XPR1: variants seen among roughly 807,000 people sequenced by gnomAD.
The protein encoded by XPR1 is xenotropic and polytropic retrovirus receptor 1, also known as solute carrier family 53 member 1.
In XPR1, 28 loss-of-function variants were observed where a neutral mutation model predicts 87.5. The observed-to-expected ratio is 0.32, with a 90% confidence interval of 0.24 to 0.44. The LOEUF is 0.44. XPR1 is among the 20% of genes least tolerant of loss of function. The probability of loss-of-function intolerance (pLI) is 1.00; values close to 1 mark genes in which losing one functional copy is unlikely to be tolerated. For synonymous variants in XPR1, 300 were observed against 306.1 expected (o/e 0.98, Z 0.21); for missense variants, 559 against 862.3 (o/e 0.65, Z 4.41).
intron 2 of XPR1, among the ~76,000 whole-genome samples, chr1:180,686,753 T>C (rs1421515286): frequency 6.6e-6 from 1 of 152,196 alleles, no homozygotes; most frequent in Non-Finnish European, 1.5e-5. Context: ...GACAAGCTAT[T>C]AGAGACTTGT....
rs192453167 is a variant in XPR1, at chr1:180,645,402, A to G, written c.69+13132A>G. Among the ~76,000 whole-genome samples, 39 of 152,362 alleles carry G rather than the reference A, an allele frequency of 2.6e-4. No individual in the cohort carries two copies. The South Asian group carries it at 7.5e-3, about 29-fold the overall frequency. On this transcript the variant is annotated intron_variant, in intron 1 of 14. Coordinates refer to ENST00000367590, the MANE Select transcript of XPR1 (RefSeq NM_004736.4). ...ATCTCAGTGTTCACTTGTCGCTCCC[A>G]TAATTCCAGTTTGGCTTTGAATGCA...
chr1:180,703,226 G>T (rs1657417465), intron 2 of XPR1, among the ~76,000 whole-genome samples: 1 of 151,666 alleles, frequency 6.6e-6, no homozygotes, highest in Non-Finnish European at 1.5e-5. Context: ...TGGATGGCAT[G>T]TGTGGATGCC....
chr1:180,760,050 A>G (rs1647945622), intron 2 of XPR1, among the ~76,000 whole-genome samples: 1 of 152,224 alleles, frequency 6.6e-6, no homozygotes, highest in Non-Finnish European at 1.5e-5. Context: ...AAGGCCTTTG[A>G]CAAAATTCAG....
intron 6 of XPR1, 138 bp downstream of exon 6, chr1:180,806,695 A>C (rs1037194852): frequency 3.3e-6 from 2 of 605,842 alleles, no homozygotes; most frequent in Middle Eastern, 3.2e-4. Context: ...TTAGTTTTTT[A>C]AACATTATAT....
chr1:180,777,554 A>G (rs116112940), intron 2 of XPR1, among the ~76,000 whole-genome samples: 3,446 of 152,310 alleles, frequency 0.023, 67 homozygotes, highest in Middle Eastern at 0.092. Flanking sequence ...TACTTGTTGA[A>G]TGAATGACTC....
chr1:180,639,388 A>G (rs540940753), intron 1 of XPR1, among the ~76,000 whole-genome samples: 2 of 152,178 alleles, frequency 1.3e-5, no homozygotes, highest in Non-Finnish European at 1.5e-5. Flanking sequence ...CATAATCTCT[A>G]TAACAAGAGG....
intron 11 of XPR1, among the ~76,000 whole-genome samples, chr1:180,843,565 T>G (rs1651584191): frequency 6.6e-6 from 1 of 152,192 alleles, no homozygotes; most frequent in African/African-American, 2.4e-5. Flanking sequence ...CTTGAGTGGT[T>G]TTTATCTACT....
intron 7 of XPR1, among the ~76,000 whole-genome samples, chr1:180,819,738 C>T (rs1193876641): frequency 6.6e-6 from 1 of 152,130 alleles, no homozygotes; most frequent in Non-Finnish European, 1.5e-5. Context: ...TATGCCTAGG[C>T]CGGGCGCGGT....
chr1:180,853,791 G>GTTTTTTTTT (rs374408714), intron 11 of XPR1, among the ~76,000 whole-genome samples: 23 of 109,374 alleles, frequency 2.1e-4, no homozygotes, highest in Admixed American at 4.0e-4. Context: ...CATTCATGTG[G>GTTTTTTTTT]TTTTTTTTTT....
intron 2 of XPR1, among the ~76,000 whole-genome samples, chr1:180,744,706 A>G (rs1659031254): frequency 7.7e-6 from 1 of 130,546 alleles, no homozygotes; most frequent in Admixed American, 9.3e-5. Context: ...GCTGGAGTGC[A>G]ATGGCACGAT....
intron 2 of XPR1, among the ~76,000 whole-genome samples, chr1:180,784,421 T>C (rs1336922039): frequency 1.8e-4 from 28 of 152,100 alleles, no homozygotes; most frequent in Admixed American, 1.8e-3. Context: ...AATATCTTTT[T>C]AATATTGACT....
At position 180,884,152 on chromosome 1, in the gene XPR1, C is replaced by A; in HGVS notation, c.*86C>A. 2 of 1,235,872 alleles carry A rather than the reference C, an allele frequency of 1.6e-6. No individual in the cohort carries two copies. The highest frequency in any genetic ancestry group is 4.1e-5 in the Admixed American group (2 of 48,984). The allele number at this position is 1,235,872 out of a possible 1,614,324, so 76.6% of individuals were successfully genotyped here. A position where few individuals can be genotyped will look rare whatever the true frequency, so the allele number is the denominator to read the frequency against. On this transcript the variant is annotated 3_prime_UTR_variant, in exon 15 of 15. Coordinates refer to ENST00000367590, the MANE Select transcript of XPR1 (RefSeq NM_004736.4). Reference sequence around the variant, plus strand: ...AACGCAACCTCTAGTACCTTTCCAGCCGAAAACAGGAGAAAACACATAACA... The same window carrying A: ...AACGCAACCTCTAGTACCTTTCCAGACGAAAACAGGAGAAAACACATAACA...
At chr1:180,835,408 T>G (rs1008409814) in intron 10 of XPR1, among the ~76,000 whole-genome samples, 35 of 152,176 alleles carry the variant, frequency 2.3e-4, no homozygotes, top group African/African-American at 8.2e-4. Flanking sequence ...TACTAATTAT[T>G]TAGAAATAGA....
intron 2 of XPR1, among the ~76,000 whole-genome samples, chr1:180,685,118 G>T (rs894148710): frequency 6.6e-6 from 1 of 151,982 alleles, no homozygotes; most frequent in African/African-American, 2.4e-5. Flanking sequence ...TATTGGCTGT[G>T]GGTTTGTCAT....
At chr1:180,771,989 C>G (rs1648534464) in intron 2 of XPR1, among the ~76,000 whole-genome samples, 2 of 152,176 alleles carry the variant, frequency 1.3e-5, no homozygotes, top group South Asian at 4.1e-4. Flanking sequence ...GCAAGGGTTA[C>G]TACTGTGGTA....
At chr1:180,775,099 G>A (rs1429959828) in intron 2 of XPR1, among the ~76,000 whole-genome samples, 1 of 152,154 alleles carries the variant, frequency 6.6e-6, no homozygotes, top group Non-Finnish European at 1.5e-5. Context: ...TATGGCATGG[G>A]TGATTAAGCT....
chr1:180,882,835 CTG>C, intron 14 of XPR1, among the ~76,000 whole-genome samples: 1 of 152,348 alleles, frequency 6.6e-6, no homozygotes, highest in Non-Finnish European at 1.5e-5. Context: ...AGAGAAATAA[CTG>C]TTATGCCTCT....
At chr1:180,806,332 T>C in intron 5 of XPR1, 121 bp downstream of exon 5, 1 of 1,476,458 alleles carries the variant, frequency 6.8e-7, no homozygotes, top group Non-Finnish European at 9.1e-7. Context: ...ATGCCTTACC[T>C]GTGATTTTTT....
intron 1 of XPR1, among the ~76,000 whole-genome samples, chr1:180,662,381 A>T (rs1655808808): frequency 6.6e-6 from 1 of 152,152 alleles, no homozygotes; most frequent in African/African-American, 2.4e-5. Flanking sequence ...TATTTGAAGG[A>T]TATTTTTGTC....
Sources: gnomAD v4.1 joint callset for allele counts (sites outside exome capture counted in the v4.1 genomes callset) on GRCh38, gnomAD v4.1.1 for gene constraint, MANE v1.5 for transcripts, NCBI Gene and HGNC (gene_info 2026-07-23, HGNC 2026-07-21) for gene names.